VSTM2B: variants seen among roughly 807,000 people sequenced by gnomAD.
VSTM2B encodes V-set and transmembrane domain-containing protein 2B.
Under a neutral mutation model 24.0 loss-of-function variants are expected in VSTM2B, and 24 were observed. That is an observed-to-expected ratio of 1.00 (90% CI 0.72 to 1.40). VSTM2B has a LOEUF of 1.40. Ranked by LOEUF, VSTM2B falls within the 40% of genes most tolerant of loss-of-function variation. VSTM2B has a pLI of 0.00. For missense variants in VSTM2B, 399 were observed against 416.4 expected, an observed-to-expected ratio of 0.96 and a Z score of 0.36; for synonymous variants, 226 against 194.4, an observed-to-expected ratio of 1.16 and a Z score of -1.35.
At position 29,530,033 on chromosome 19, in the gene VSTM2B, C is replaced by T. The variant is rs775005192; in HGVS notation, c.512C>T (p.Pro171Leu). Reference sequence around the variant, plus strand: ...GTGTCCCACATCCAGAGCAGCGGCCCGCGTCGCCACGGCCCAGCCAGCGCC... The same window carrying T: ...GTGTCCCACATCCAGAGCAGCGGCCTGCGTCGCCACGGCCCAGCCAGCGCC... ...EAVSHIQSSG[P>L]RRHGPASAAN... Residue 171 changes from proline (P) to leucine (L), a missense_variant, in exon 4 of 5, where the codon CCG becomes CTG. Pro to Leu is a moderately conservative substitution (Grantham distance 98). Transcript: ENST00000335523. The T allele has an allele frequency of 6.7e-5, 102 of 1,528,134 alleles. No homozygotes were observed. Among genetic ancestry groups the T allele is most frequent in the Admixed American group, 3.2e-4 (16 of 50,288 alleles). 94.7% of individuals were successfully genotyped at this position (1,528,134 alleles called of 1,614,324 possible).
At chr19:29,530,385 C>T in intron 4 of VSTM2B, 95 bp downstream of exon 4, 4 of 1,169,352 alleles carry the variant, frequency 3.4e-6, no homozygotes, top group Non-Finnish European at 4.5e-6. Flanking sequence ...CAGGACCCGC[C>T]CCCTGGGCGC....
chr19:29,564,507 G>T lies in VSTM2B; in HGVS notation c.*573G>T, dbSNP rs1970604781. ...CAGACACTTGTTTATAAACTGTATTGTATATTGCTGAAGAACAGTTGAATA... is the reference window on the plus strand; with the variant it reads ...CAGACACTTGTTTATAAACTGTATTTTATATTGCTGAAGAACAGTTGAATA... On this transcript the variant is annotated 3_prime_UTR_variant, in exon 5 of 5. Transcript: ENST00000335523. 6.6e-6 allele frequency: 1 copy of T among 152,266 alleles called. No homozygotes were observed. The highest frequency in any genetic ancestry group is 1.5e-5 in the Non-Finnish European group (1 of 68,092). 9.4% of individuals were successfully genotyped at this position (152,266 alleles called of 1,614,324 possible). A position where few individuals can be genotyped will look rare whatever the true frequency, so the allele number is the denominator to read the frequency against.
At chr19:29,548,479 C>G (rs745840956) in intron 4 of VSTM2B, among the ~76,000 whole-genome samples, 1 of 152,214 alleles carries the variant, frequency 6.6e-6, no homozygotes, top group African/African-American at 2.4e-5. Context: ...TAATTCTACC[C>G]GAACTCCGTT....
chr19:29,530,618 A>T (rs117572258), intron 4 of VSTM2B, among the ~76,000 whole-genome samples: 4,245 of 152,162 alleles, frequency 0.028, 91 homozygotes, highest in Middle Eastern at 0.088. Context: ...CTGAGGGCTG[A>T]GCTCCGATGG....
chr19:29,526,540 T>C lies in VSTM2B; in HGVS notation c.-44T>C. ...GATCCGAGCCCACGCGGCCGCCGCC[T>C]CTCCGCTCCCGGGCCCCCGCCGCCA... On this transcript the variant is annotated 5_prime_UTR_variant, in exon 1 of 5. Transcript: ENST00000335523. This position sits in a 1 kb window ranked among gnomAD's most constrained non-coding sequence, Gnocchi z 4.1. 6.8e-7 allele frequency: 1 copy of C among 1,464,172 alleles called. No individual in the cohort carries two copies. The highest frequency in any genetic ancestry group is 9.1e-7 in the Non-Finnish European group (1 of 1,104,058). The allele number at this position is 1,464,172 out of a possible 1,614,324, so 90.7% of individuals were successfully genotyped here.
intron 2 of VSTM2B, 86 bp from the exon 3 acceptor site, chr19:29,528,347 G>C: frequency 6.5e-7 from 1 of 1,529,978 alleles, no homozygotes; most frequent in South Asian, 1.2e-5. Context: ...TGCCGGAGGA[G>C]GGTGCCCTTG....
intron 4 of VSTM2B, among the ~76,000 whole-genome samples, chr19:29,552,473 A>G (rs1970309154): frequency 6.6e-6 from 1 of 152,196 alleles, no homozygotes; most frequent in Non-Finnish European, 1.5e-5. Context: ...CGCATGGGGC[A>G]AGGGAAGCAC....
intron 4 of VSTM2B, among the ~76,000 whole-genome samples, chr19:29,554,017 A>G (rs74521223): frequency 0.092 from 14,051 of 152,274 alleles, 765 homozygotes; most frequent in East Asian, 0.18. Flanking sequence ...ATCATCCAGG[A>G]GAACTTCCCC....
chr19:29,533,649 G>A (rs1969814852), intron 4 of VSTM2B, among the ~76,000 whole-genome samples: 1 of 152,244 alleles, frequency 6.6e-6, no homozygotes, highest in Non-Finnish European at 1.5e-5. Context: ...TGATGCCAAG[G>A]AGGGAACCAT....
rs543758633 is a variant in VSTM2B, at chr19:29,534,293, G to A, written c.769+4003G>A. ...CCTCCTGCCCTCCATTCCCTGTCTG[G>A]GCCTCCCTTTGGCCAAACCCTCCTG... On this transcript the variant is annotated intron_variant, in intron 4 of 4. Transcript: ENST00000335523. Among the ~76,000 whole-genome samples, 51 of 152,256 alleles carry A rather than the reference G, an allele frequency of 3.3e-4. 2 individuals carry two copies. In the South Asian group the frequency reaches 9.3e-3, roughly 28 times the overall value.
rs1456407159 is a variant in VSTM2B at position 29,564,089 on chromosome 19, C to T, written c.*155C>T. 1 of 638,624 alleles carries T rather than the reference C, an allele frequency of 1.6e-6. No homozygotes were observed. Among genetic ancestry groups the T allele is most frequent in the African/African-American group, 1.8e-5 (1 of 54,628 alleles). 39.6% of individuals were successfully genotyped at this position (638,624 alleles called of 1,614,324 possible). A position where few individuals can be genotyped will look rare whatever the true frequency, so the allele number is the denominator to read the frequency against. Reference sequence around the variant, plus strand: ...AAATCATATTTTTGGGAAAGTTACACAAATGTAGAACACCTAAAATAATGC... The same window carrying T: ...AAATCATATTTTTGGGAAAGTTACATAAATGTAGAACACCTAAAATAATGC... On this transcript the variant is annotated 3_prime_UTR_variant, in exon 5 of 5. Coordinates refer to ENST00000335523, the MANE Select transcript of VSTM2B (RefSeq NM_001146339.2).
At position 29,529,886 on chromosome 19, in the gene VSTM2B, A is replaced by T. The variant is rs533404730; in HGVS notation, c.365A>T (p.Glu122Val). 6.4e-6 allele frequency: 10 copies of T among 1,550,414 alleles called. No homozygotes were observed. The highest frequency in any genetic ancestry group is 8.7e-6 in the Non-Finnish European group (10 of 1,146,892). ...CTGTCTGCCGTGCGGCTGCAGGACGAGGGCGTGTACGAGTGCCGCGTGTCG... is the reference window on the plus strand; with the variant it reads ...CTGTCTGCCGTGCGGCTGCAGGACGTGGGCGTGTACGAGTGCCGCGTGTCG... Reference protein sequence around the residue: ...LRLSAVRLQDEGVYECRVSDY... With the variant: ...LRLSAVRLQDVGVYECRVSDY... The change falls in exon 4 of 5, where the codon GAG (glutamate) becomes GTG (valine). Residue 122 changes from glutamate to valine, a missense_variant. Glu to Val is a moderately radical substitution (Grantham distance 121). Coordinates refer to ENST00000335523, the MANE Select transcript of VSTM2B (RefSeq NM_001146339.2).
chr19:29,530,015 A>T lies in VSTM2B; in HGVS notation c.494A>T (p.His165Leu), dbSNP rs1599875716. Residue 165 changes from histidine (H) to leucine (L), a missense_variant, in exon 4 of 5, where the codon CAC (histidine) becomes CTC (leucine). His to Leu is a moderately conservative substitution (Grantham distance 99, BLOSUM62 -3). Coordinates refer to ENST00000335523, the MANE Select transcript of VSTM2B (RefSeq NM_001146339.2). ...PNMQAAEAVS[H>L]IQSSGPRRHG... Reference sequence around the variant, plus strand: ...ATGCAGGCCGCCGAGGCCGTGTCCCACATCCAGAGCAGCGGCCCGCGTCGC... The same window carrying T: ...ATGCAGGCCGCCGAGGCCGTGTCCCTCATCCAGAGCAGCGGCCCGCGTCGC... 1 of 1,539,054 alleles carries T rather than the reference A, an allele frequency of 6.5e-7. No homozygotes were observed. The highest frequency in any genetic ancestry group is 1.4e-5 in the African/African-American group (1 of 73,066).
At chr19:29,530,349 C>G in intron 4 of VSTM2B, 59 bp downstream of exon 4, 2 of 1,387,812 alleles carry the variant, frequency 1.4e-6, no homozygotes, top group Non-Finnish European at 1.9e-6. Context: ...AGGGCTGCGC[C>G]GGGACGCCCC....
chr19:29,553,948 T>C (rs923216083), intron 4 of VSTM2B, among the ~76,000 whole-genome samples: 3 of 152,112 alleles, frequency 2.0e-5, no homozygotes, highest in Non-Finnish European at 2.9e-5. Flanking sequence ...CTACAACTGA[T>C]TGAAGTGCCT....
At chr19:29,552,421 G>A (rs920047191) in intron 4 of VSTM2B, among the ~76,000 whole-genome samples, 2 of 152,252 alleles carry the variant, frequency 1.3e-5, no homozygotes, top group African/African-American at 2.4e-5. Context: ...GACCCATGGA[G>A]AGCAAGGAAA....
At chr19:29,561,834 C>A (rs1259218765) in intron 4 of VSTM2B, among the ~76,000 whole-genome samples, 1 of 152,156 alleles carries the variant, frequency 6.6e-6, no homozygotes, top group East Asian at 1.9e-4. Flanking sequence ...CCCAGTAATG[C>A]CTGACAGCAA....
At chr19:29,539,953 C>A (rs1211317221) in intron 4 of VSTM2B, among the ~76,000 whole-genome samples, 1 of 152,276 alleles carries the variant, frequency 6.6e-6, no homozygotes, top group Non-Finnish European at 1.5e-5. Context: ...GCTCTAGAGA[C>A]AGAGAGCCTT....
At chr19:29,528,379 C>T in intron 2 of VSTM2B, 54 bp from the exon 3 acceptor site, 1 of 1,550,710 alleles carries the variant, frequency 6.4e-7, no homozygotes, top group Non-Finnish European at 8.7e-7. Flanking sequence ...ATCCGAGTTC[C>T]CCTAGCCAGA....
Sources: allele counts gnomAD v4.1 joint callset (sites outside exome capture counted in the v4.1 genomes callset), GRCh38; gene constraint gnomAD v4.1.1; non-coding constraint Gnocchi (gnomAD v3.1); transcripts MANE v1.5; gene names NCBI Gene and HGNC (gene_info 2026-07-23, HGNC 2026-07-21).